Variants in PDXK observed in about 807,000 individuals in gnomAD.
PDXK encodes the protein epididymis secretory sperm binding protein Li 1a.
Under a neutral mutation model 43.2 loss-of-function variants are expected in PDXK, and 15 were observed. That is an observed-to-expected ratio of 0.35 (90% confidence interval 0.23 to 0.53). The LOEUF is 0.53. Ranked by LOEUF, PDXK falls within the 20% of genes least tolerant of loss-of-function variation. The pLI is 0.92. For synonymous variants in PDXK, 172 were observed against 165.4 expected (o/e 1.04, Z -0.31); for missense variants, 343 against 417.0 (o/e 0.82, Z 1.54).
chr21:43,733,974 C>T, intron 1 of PDXK, 95 bp from the exon 2 acceptor site: 1 of 1,262,472 alleles, frequency 7.9e-7, no homozygotes, highest in Non-Finnish European at 1.2e-6. Context: ...AGCCGGGACT[C>T]ATTTACTCCC....
intron 8 of PDXK, among the ~76,000 whole-genome samples, chr21:43,753,142 G>A (rs1006582405): frequency 1.1e-4 from 16 of 152,026 alleles, no homozygotes; most frequent in African/African-American, 2.4e-4. Flanking sequence ...ATGCACATAC[G>A]GGCACACACG....
chr21:43,755,774 C>A lies in PDXK; in HGVS notation c.826+10C>A. On this transcript the variant is annotated intron_variant, in intron 10 of 10. Coordinates refer to ENST00000291565, the MANE Select transcript of PDXK (RefSeq NM_003681.5). ...ATCCAGTGTGCAAAAGGTACGGCGG[C>A]CGGGCTGCATGGGCTGCGTGGGCTC... is the stretch of plus-strand genomic sequence containing the variant. The A allele has an allele frequency of 6.2e-7, 1 of 1,612,570 alleles. No homozygotes were observed. The highest frequency in any genetic ancestry group is 8.5e-7 in the Non-Finnish European group (1 of 1,178,768).
In PDXK at chr21:43,755,930, T is replaced by C. The variant is rs776540789; in HGVS notation, c.827-21T>C. ...GAGCCCCTCTGAGATGGGAACTCAG[T>C]GCTCTCTGCCTGCCCCGCAGCCCAG... is the stretch of plus-strand genomic sequence containing the variant. On this transcript the variant is annotated intron_variant, in intron 10 of 10. Coordinates refer to ENST00000291565, the MANE Select transcript of PDXK (RefSeq NM_003681.5). The C allele has an allele frequency of 1.3e-5, 21 of 1,575,278 alleles. No individual in the cohort carries two copies. The South Asian group carries it at 2.3e-4, about 18-fold the overall frequency.
intron 1 of PDXK, among the ~76,000 whole-genome samples, chr21:43,733,256 C>CG (rs2083347055): frequency 1.0e-5 from 1 of 100,006 alleles, no homozygotes; most frequent in Non-Finnish European, 2.0e-5. Flanking sequence ...CATCCCCACC[C>CG]CCCCCCCCGC....
At chr21:43,725,677 G>A (rs2083246622) in intron 1 of PDXK, among the ~76,000 whole-genome samples, 1 of 152,080 alleles carries the variant, frequency 6.6e-6, no homozygotes, top group South Asian at 2.1e-4. Flanking sequence ...CGGGCGTGGT[G>A]GCACACTACT....
rs1366714938 is a variant in PDXK at position 43,732,369 on chromosome 21, T to C, written c.88-1700T>C. Reference sequence around the variant, plus strand: ...TCTGAGTCTGGCTTTGTCTGGCACATGAAGTTGGATGGGTAGACTCTGGAA... The same window carrying C: ...TCTGAGTCTGGCTTTGTCTGGCACACGAAGTTGGATGGGTAGACTCTGGAA... On this transcript the variant is annotated intron_variant, in intron 1 of 10. Transcript: ENST00000291565. The surrounding 1 kb of genome is among the most constrained non-coding windows in gnomAD (Gnocchi z 4.1). 4 of 1,610,906 alleles carry C rather than the reference T, an allele frequency of 2.5e-6. No individual in the cohort carries two copies. Among genetic ancestry groups the C allele is most frequent in the Non-Finnish European group, 2.5e-6 (3 of 1,178,214 alleles).
intron 10 of PDXK, 61 bp from the exon 11 acceptor site, chr21:43,755,890 T>G: frequency 6.9e-7 from 1 of 1,453,290 alleles, no homozygotes; most frequent in Middle Eastern, 2.0e-4. Flanking sequence ...CCTCTGGGAG[T>G]GGGGGCAACA....
intron 3 of PDXK, among the ~76,000 whole-genome samples, chr21:43,742,612 C>T (rs900957663): frequency 6.6e-6 from 1 of 152,174 alleles, no homozygotes; most frequent in Non-Finnish European, 1.5e-5. Context: ...CACAGGGGCT[C>T]GAACCTGTAA....
At position 43,758,279 on chromosome 21, in the gene PDXK, T is replaced by G. The variant is rs2083884617; in HGVS notation, c.*2216T>G. On this transcript the variant is annotated 3_prime_UTR_variant, in exon 11 of 11. Coordinates refer to ENST00000291565, the MANE Select transcript of PDXK (RefSeq NM_003681.5). ...TGGCTGTCCCTGCAGGCGCCTCCCG[T>G]AAATCCTGAGCTCTCTGGCGCAATC... 2.0e-5 allele frequency: 3 copies of G among 153,746 alleles called. No homozygotes were observed. 9.5% of individuals were successfully genotyped at this position (153,746 alleles called of 1,614,324 possible).
intron 1 of PDXK, among the ~76,000 whole-genome samples, chr21:43,733,253 A>ACCCCCCCCCC (rs1226314950): frequency 8.9e-5 from 5 of 56,164 alleles, no homozygotes; most frequent in Non-Finnish European, 6.7e-5. Flanking sequence ...CCCCATCCCC[A>ACCCCCCCCCC]CCCCCCCCCC....
At position 43,758,277 on chromosome 21, in the gene PDXK, C is replaced by T. The variant is rs368539930; in HGVS notation, c.*2214C>T. On this transcript the variant is annotated 3_prime_UTR_variant, in exon 11 of 11. Coordinates refer to ENST00000291565, the MANE Select transcript of PDXK (RefSeq NM_003681.5). ...AATGGCTGTCCCTGCAGGCGCCTCC[C>T]GTAAATCCTGAGCTCTCTGGCGCAA... 4 of 153,700 alleles carry T rather than the reference C, an allele frequency of 2.6e-5. No homozygotes were observed. Among genetic ancestry groups the T allele is most frequent in the Admixed American group, 6.5e-5 (1 of 15,284 alleles). 9.5% of individuals were successfully genotyped at this position (153,700 alleles called of 1,614,324 possible). A position where few individuals can be genotyped will look rare whatever the true frequency, so the allele number is the denominator to read the frequency against.
chr21:43,738,533 C>T (rs935762348), intron 2 of PDXK: 1 of 152,262 alleles, frequency 6.6e-6, no homozygotes, highest in African/African-American at 2.4e-5. Flanking sequence ...CAAGAGGCCT[C>T]TGAGGAGGAA....
intron 1 of PDXK, among the ~76,000 whole-genome samples, chr21:43,729,260 CG>C (rs1381023506): frequency 6.6e-6 from 1 of 152,248 alleles, no homozygotes; most frequent in East Asian, 1.9e-4. Context: ...TGTCAGAGGC[CG>C]GGGGCTTTGG....
rs373564479 is a variant in PDXK at position 43,732,412 on chromosome 21, C to T, written c.88-1657C>T. On this transcript the variant is annotated intron_variant, in intron 1 of 10. Coordinates refer to ENST00000291565, the MANE Select transcript of PDXK (RefSeq NM_003681.5). This position sits in a 1 kb window ranked among gnomAD's most constrained non-coding sequence, Gnocchi z 4.1. Reference sequence around the variant, plus strand: ...CTCTGGAAGCGTCCAGACCAGCTTGCGATGCTGATGAATAAGCTGATTTTG... The same window carrying T: ...CTCTGGAAGCGTCCAGACCAGCTTGTGATGCTGATGAATAAGCTGATTTTG... The T allele has an allele frequency of 1.6e-5, 25 of 1,612,744 alleles. No individual in the cohort carries two copies. Among genetic ancestry groups the T allele is most frequent in the Middle Eastern group, 1.6e-4 (1 of 6,084 alleles).
At position 43,756,323 on chromosome 21, in the gene PDXK, CCT is replaced by C. The variant is rs768116576; in HGVS notation, c.*261_*262del. On this transcript the variant is annotated 3_prime_UTR_variant, in exon 11 of 11. Transcript: ENST00000291565. ...TCCTGGGCCTCCGGGAAGACGGGCC[CCT>C]GTTTGCCATCTCGGGGGTGTTCCCT... 5.5e-6 allele frequency: 2 copies of C among 366,138 alleles called. No homozygotes were observed. Among genetic ancestry groups the C allele is most frequent in the Non-Finnish European group, 5.1e-6 (1 of 195,030 alleles). 22.7% of individuals were successfully genotyped at this position (366,138 alleles called of 1,614,324 possible).
chr21:43,742,558 C>T lies in PDXK; in HGVS notation c.247+787C>T, dbSNP rs546479445. ...TTAGAATTACAGGCGTGAGCCACTGCGCCCAGCCTCTCTACATGTCTAAAG... is the reference window on the plus strand; with the variant it reads ...TTAGAATTACAGGCGTGAGCCACTGTGCCCAGCCTCTCTACATGTCTAAAG... On this transcript the variant is annotated intron_variant, in intron 3 of 10. Transcript: ENST00000291565. Among the ~76,000 whole-genome samples, 3 of 152,316 alleles carry T rather than the reference C, an allele frequency of 2.0e-5. No individual in the cohort carries two copies. The East Asian group carries it at 5.8e-4, about 29-fold the overall frequency.
chr21:43,722,273 T>A (rs2083212181), intron 1 of PDXK, among the ~76,000 whole-genome samples: 1 of 152,184 alleles, frequency 6.6e-6, no homozygotes, highest in Admixed American at 6.5e-5. Context: ...GCTGGGAGGT[T>A]TGGCTCTTTG....
At position 43,756,086 on chromosome 21, in the gene PDXK, C is replaced by CA; in HGVS notation, c.*24dup. ...TGAGGGCCCCGCCGCTTGCCCGTGA[C>CA]ACGCAGCGCGTTGGTGTCTCCGTGT... On this transcript the variant is annotated 3_prime_UTR_variant, in exon 11 of 11. Coordinates refer to ENST00000291565, the MANE Select transcript of PDXK (RefSeq NM_003681.5). 2 of 1,375,934 alleles carry CA rather than the reference C, an allele frequency of 1.5e-6. No individual in the cohort carries two copies. Among genetic ancestry groups the CA allele is most frequent in the Non-Finnish European group, 2.1e-6 (2 of 971,372 alleles). The allele number at this position is 1,375,934 out of a possible 1,614,324, so 85.2% of individuals were successfully genotyped here.
At chr21:43,722,693 C>G (rs775173184) in intron 1 of PDXK, among the ~76,000 whole-genome samples, 5 of 152,100 alleles carry the variant, frequency 3.3e-5, no homozygotes, top group Non-Finnish European at 7.4e-5. Context: ...GGCTCACGGC[C>G]GAATCACTCC....
Sources: allele counts gnomAD v4.1 joint callset (sites outside exome capture counted in the v4.1 genomes callset), GRCh38; gene constraint gnomAD v4.1.1; non-coding constraint Gnocchi (gnomAD v3.1); transcripts MANE v1.5; gene names NCBI Gene and HGNC (gene_info 2026-07-23, HGNC 2026-07-21).